GSE1: variants seen among roughly 807,000 people sequenced by gnomAD.
The protein encoded by GSE1 is genetic suppressor element 1.
Under a neutral mutation model 112.6 loss-of-function variants are expected in GSE1, and 32 were observed. The observed-to-expected ratio is 0.28, with a 90% confidence interval of 0.21 to 0.38. The LOEUF (loss-of-function observed/expected upper bound fraction) is 0.38. Ranked by LOEUF, GSE1 falls within the 10% of genes least tolerant of loss-of-function variation. The pLI is 1.00. For missense variants in GSE1, 2,348 were observed against 1,699.2 expected, an observed-to-expected ratio of 1.38 and a Z score of -6.71; for synonymous variants, 1,115 against 735.6, an observed-to-expected ratio of 1.52 and a Z score of -8.35.
intron 2 of GSE1, among the ~76,000 whole-genome samples, chr16:85,429,095 A>C (rs1255811651): frequency 6.6e-6 from 1 of 152,192 alleles, no homozygotes; most frequent in Non-Finnish European, 1.5e-5. Context: ...ACTCACGGTA[A>C]ACAGCCGCAG....
intron 1 of GSE1, among the ~76,000 whole-genome samples, chr16:85,339,761 G>A (rs866872349): frequency 6.6e-6 from 1 of 152,106 alleles, no homozygotes; most frequent in African/African-American, 2.4e-5. Flanking sequence ...GTGTCTTTAT[G>A]CCAGGGGACG....
chr16:85,381,424 C>G (rs758058279), intron 2 of GSE1, among the ~76,000 whole-genome samples: 1 of 152,182 alleles, frequency 6.6e-6, no homozygotes, highest in Non-Finnish European at 1.5e-5. Flanking sequence ...CATGAGTGTG[C>G]AAATTGGTCC....
At chr16:85,669,539 C>A (rs753952247) in intron 14 of GSE1, among the ~76,000 whole-genome samples, 1 of 152,112 alleles carries the variant, frequency 6.6e-6, no homozygotes, top group African/African-American at 2.4e-5. Context: ...GAGTTTATTG[C>A]GCACCACCCC....
chr16:85,388,967 A>G (rs2047769610), intron 2 of GSE1, among the ~76,000 whole-genome samples: 1 of 152,170 alleles, frequency 6.6e-6, no homozygotes, highest in Admixed American at 6.5e-5. Flanking sequence ...CTTTGGGAAT[A>G]GATCATGAAG....
At chr16:85,320,905 C>T (rs979478856) in intron 1 of GSE1, among the ~76,000 whole-genome samples, 1 of 152,200 alleles carries the variant, frequency 6.6e-6, no homozygotes, top group Non-Finnish European at 1.5e-5. Flanking sequence ...CTGCCCGGAA[C>T]ACCCAGAGCT....
At chr16:85,626,661 A>G (rs1342218743) in intron 1 of GSE1, among the ~76,000 whole-genome samples, 1 of 152,236 alleles carries the variant, frequency 6.6e-6, no homozygotes, top group Non-Finnish European at 1.5e-5. Context: ...GGGACCCAGC[A>G]GAAAATTCAC....
intron 1 of GSE1, among the ~76,000 whole-genome samples, chr16:85,178,987 G>A (rs540356652): frequency 3.7e-4 from 56 of 152,228 alleles, no homozygotes; most frequent in Non-Finnish European, 6.9e-4. Flanking sequence ...GGTGGTTTTT[G>A]TTGTTGTTTT....
chr16:85,539,095 G>A (rs987140831), intron 2 of GSE1, among the ~76,000 whole-genome samples: 2 of 152,232 alleles, frequency 1.3e-5, no homozygotes, highest in Admixed American at 1.3e-4. Context: ...GCCCACTCCT[G>A]TAAGTGTCTT....
intron 1 of GSE1, among the ~76,000 whole-genome samples, chr16:85,614,225 G>T (rs2048214936): frequency 6.6e-6 from 1 of 152,080 alleles, no homozygotes; most frequent in African/African-American, 2.4e-5. Context: ...CCCGCCCCCA[G>T]CCCTCCCGGG....
intron 1 of GSE1, among the ~76,000 whole-genome samples, chr16:85,204,175 C>G (rs1253551063): frequency 6.6e-6 from 1 of 152,344 alleles, no homozygotes; most frequent in African/African-American, 2.4e-5. Context: ...TCCTTTCCGT[C>G]TACAGATTTT....
chr16:85,367,844 CTTTTTT>C (rs5818532), intron 2 of GSE1, among the ~76,000 whole-genome samples: 1 of 115,036 alleles, frequency 8.7e-6, no homozygotes, highest in African/African-American at 3.4e-5. Flanking sequence ...AAATAAGATT[CTTTTTT>C]TTTTTTTTTT....
chr16:85,522,578 G>T (rs1382400311), intron 2 of GSE1, among the ~76,000 whole-genome samples: 4 of 152,248 alleles, frequency 2.6e-5, no homozygotes, highest in African/African-American at 9.6e-5. Context: ...GGCTCACAAA[G>T]TGGGGATAAT....
chr16:85,602,782 C>G (rs1442824251), intron 1 of GSE1, among the ~76,000 whole-genome samples: 1 of 152,232 alleles, frequency 6.6e-6, no homozygotes, highest in Middle Eastern at 3.2e-3. Flanking sequence ...TTCCGGTCCA[C>G]TGGTGTCCAG....
At chr16:85,546,050 G>T (rs776678921) in intron 2 of GSE1, among the ~76,000 whole-genome samples, 3 of 152,144 alleles carry the variant, frequency 2.0e-5, no homozygotes, top group Non-Finnish European at 4.4e-5. Context: ...CTCCCAAAGT[G>T]CTGGGATTAC....
At chr16:85,315,976 G>A (rs1330623624) in intron 1 of GSE1, among the ~76,000 whole-genome samples, 1 of 152,204 alleles carries the variant, frequency 6.6e-6, no homozygotes, top group African/African-American at 2.4e-5. Flanking sequence ...GGCAGGGCTG[G>A]TGCCCATGGT....
chr16:85,374,235 CTG>C (rs2047365349), intron 2 of GSE1, among the ~76,000 whole-genome samples: 1 of 133,412 alleles, frequency 7.5e-6, no homozygotes, highest in Non-Finnish European at 1.6e-5. Flanking sequence ...GTCATTGTGC[CTG>C]TGCATGGTCG....
At chr16:85,613,220 C>A, upstream of GSE1, 1 of 1,494,478 alleles carries the variant, frequency 6.7e-7, no homozygotes, top group Non-Finnish European at 8.9e-7. Flanking sequence ...GGTGTGTCCT[C>A]GGCGGCGACA....
intron 1 of GSE1, among the ~76,000 whole-genome samples, chr16:85,357,230 A>G (rs1010128228): frequency 2.0e-5 from 3 of 152,188 alleles, no homozygotes; most frequent in Admixed American, 6.5e-5. Flanking sequence ...CCCCAGCAGC[A>G]GGGGTCCAGC....
chr16:85,507,606 C>A (rs1338276567), intron 2 of GSE1, among the ~76,000 whole-genome samples: 1 of 152,122 alleles, frequency 6.6e-6, no homozygotes, highest in Admixed American at 6.5e-5. Context: ...CTCTGGGGCC[C>A]CTCGCCTTGG....
Sources: allele counts gnomAD v4.1 joint callset (sites outside exome capture counted in the v4.1 genomes callset), GRCh38; gene constraint gnomAD v4.1.1; transcripts MANE v1.5; gene names NCBI Gene and HGNC (gene_info 2026-07-23, HGNC 2026-07-21).